The following WDR73 variants were observed in gnomAD, a reference collection of about 807,000 sequenced individuals.
The protein encoded by WDR73 is WD repeat domain 73, also known as integrator complex assembly factor WDR73.
A neutral mutation model predicts 38.2 loss-of-function variants in WDR73; 30 were observed. That is an observed-to-expected ratio of 0.79 (90% confidence interval 0.59 to 1.06). The LOEUF (loss-of-function observed/expected upper bound fraction) is 1.06, where lower values mean the gene tolerates loss of function less well. WDR73 is among the 50% of genes least tolerant of loss of function. The pLI is 0.00. For synonymous variants in WDR73, 197 were observed against 176.0 expected (o/e 1.12, Z -0.94); for missense variants, 487 against 467.0 (o/e 1.04, Z -0.40).
At chr15:84,645,371 A>C (rs746949829) in intron 7 of WDR73, 100 bp downstream of exon 7, 2 of 1,558,904 alleles carry the variant, frequency 1.3e-6, no homozygotes, top group South Asian at 2.4e-5. Flanking sequence ...TAACTCCTGG[A>C]GCCAGGTTTA....
At chr15:84,653,070 C>T (rs1265754873) in intron 2 of WDR73, 2 of 333,874 alleles carry the variant, frequency 6.0e-6, no homozygotes, top group Non-Finnish European at 1.1e-5. Flanking sequence ...AGGCGTGAGC[C>T]ACCATGCTCG....
rs1896275840 is a variant in WDR73 at position 84,642,094 on chromosome 15, C to T, written c.*1376G>A. The stretch of plus-strand genomic sequence containing the variant: ...CGGTGGCTCACACCTGTAATCCCAG[C>T]TCTTCGGGAGGCCGAGGTGGGTAGA... On this transcript the variant is annotated 3_prime_UTR_variant, in exon 8 of 8. Transcript: ENST00000434634. 1 of 152,160 alleles carries T rather than the reference C, an allele frequency of 6.6e-6. No homozygotes were observed. Among genetic ancestry groups the T allele is most frequent in the Admixed American group, 6.6e-5 (1 of 15,266 alleles). 9.4% of individuals were successfully genotyped at this position (152,160 alleles called of 1,614,324 possible). A position where few individuals can be genotyped will look rare whatever the true frequency, so the allele number is the denominator to read the frequency against.
chr15:84,647,706 A>C, intron 5 of WDR73, 184 bp downstream of exon 5: 2 of 629,012 alleles, frequency 3.2e-6, no homozygotes, highest in Non-Finnish European at 2.9e-6. Flanking sequence ...CATGTTGTAC[A>C]AGGTGGTCTT....
chr15:84,654,215 C>G lies in WDR73; in HGVS notation c.41+19G>C. On this transcript the variant is annotated intron_variant, in intron 1 of 7. Transcript: ENST00000434634. ...AAGCTCCAGGCCCAGCTCCCATGTC[C>G]CAGCCCCGTACGATTTACAAGCGCA... The G allele has an allele frequency of 6.2e-7, 1 of 1,603,818 alleles. No homozygotes were observed. The highest frequency in any genetic ancestry group is 8.5e-7 in the Non-Finnish European group (1 of 1,170,344).
chr15:84,652,901 T>G (rs1896668734), intron 2 of WDR73, 99 bp from the exon 3 acceptor site: 1 of 667,380 alleles, frequency 1.5e-6, no homozygotes, highest in Non-Finnish European at 2.5e-6. Context: ...TGTGCAGCCT[T>G]GTATGGAGGA....
At chr15:84,647,755 C>T (rs1356007930) in intron 5 of WDR73, 135 bp downstream of exon 5, 11 of 847,290 alleles carry the variant, frequency 1.3e-5, no homozygotes, top group Non-Finnish European at 1.8e-5. Flanking sequence ...GCTCAGCCTC[C>T]CAAAGTGCTA....
rs754069268 is a variant in WDR73, at chr15:84,639,589, A to AG, written c.*3880dup. 1 of 152,154 alleles carries AG rather than the reference A, an allele frequency of 6.6e-6. No individual in the cohort carries two copies. The highest frequency in any genetic ancestry group is 1.5e-5 in the Non-Finnish European group (1 of 68,048). 9.4% of individuals were successfully genotyped at this position (152,154 alleles called of 1,614,324 possible). On this transcript the variant is annotated 3_prime_UTR_variant, in exon 8 of 8. Transcript: ENST00000434634. ...CAGCATCTAGATCTTCAAATTCTGG[A>AG]GAAAAAGAGAGTGTGAAAGACTGCT...
chr15:84,648,414 C>T, intron 4 of WDR73, 123 bp downstream of exon 4: 1 of 711,802 alleles, frequency 1.4e-6, no homozygotes, highest in Non-Finnish European at 2.5e-6. Flanking sequence ...CACACTTGTG[C>T]ACTCACATGT....
chr15:84,648,029 CTT>C (rs1311033479), intron 4 of WDR73, 75 bp from the exon 5 acceptor site: 28 of 1,376,734 alleles, frequency 2.0e-5, no homozygotes, highest in African/African-American at 2.9e-5. Context: ...TTCCAGCACA[CTT>C]AGCTTGGGAC....
intron 7 of WDR73, chr15:84,645,188 C>G: frequency 8.6e-6 from 11 of 1,284,808 alleles, no homozygotes; most frequent in Non-Finnish European, 1.1e-5. Context: ...CTGACCCAGC[C>G]CGATGTCTGT....
rs368856062 is a variant in WDR73 at position 84,641,068 on chromosome 15, CATT to C, written c.*2399_*2401del. On this transcript the variant is annotated 3_prime_UTR_variant, in exon 8 of 8. Transcript: ENST00000434634. ...ACTAGACCTTCTTGAGAGGCACTAT[CATT>C]CTCATTTCACCTGTCACTTCCAGAC... 4 of 150,942 alleles carry C rather than the reference CATT, an allele frequency of 2.7e-5. 1 individual carries two copies. Among genetic ancestry groups the C allele is most frequent in the African/African-American group, 7.5e-5 (3 of 40,218 alleles). The allele number at this position is 150,942 out of a possible 1,614,324, so 9.4% of individuals were successfully genotyped here.
In WDR73 at chr15:84,652,779, T is replaced by A. The variant is rs1896663927; in HGVS notation, c.133A>T (p.Ser45Cys). The change falls in exon 3 of 8, where the codon AGC (serine) becomes TGC (cysteine). Residue 45 changes from serine (S) to cysteine (C), a missense_variant. Ser to Cys is a moderately radical substitution (Grantham distance 112). Coordinates refer to ENST00000434634, the MANE Select transcript of WDR73 (RefSeq NM_032856.5). Reference sequence around the variant, plus strand: ...TGAAGAATTTCATTCTTTTTCAGGCTTTCATAGCCAGCAACAAAGACTCCT... The same window carrying A: ...TGAAGAATTTCATTCTTTTTCAGGCATTCATAGCCAGCAACAAAGACTCCT... ...DKGVFVAGYE[S>C]LKKNEILHLK... 4 of 1,536,706 alleles carry A rather than the reference T, an allele frequency of 2.6e-6. No individual in the cohort carries two copies. Among genetic ancestry groups the A allele is most frequent in the African/African-American group, 1.4e-5 (1 of 72,450 alleles).
chr15:84,644,932 C>A, intron 7 of WDR73: 1 of 153,588 alleles, frequency 6.5e-6, no homozygotes, highest in Non-Finnish European at 1.4e-5. Flanking sequence ...AGGTGCTGTC[C>A]CTGCTGCTTT....
chr15:84,652,974 A>C, intron 2 of WDR73, 172 bp from the exon 3 acceptor site: 1 of 511,840 alleles, frequency 2.0e-6, no homozygotes, highest in Non-Finnish European at 3.5e-6. Context: ...GCTGGAGTGC[A>C]GTGGTCCGAT....
chr15:84,654,149 T>C (rs1896715393), intron 1 of WDR73, 85 bp downstream of exon 1: 3 of 1,574,558 alleles, frequency 1.9e-6, no homozygotes, highest in South Asian at 2.2e-5. Flanking sequence ...TGCACCAGGA[T>C]CCCCAACGTG....
intron 7 of WDR73, chr15:84,644,946 T>C (rs1896398391): frequency 6.7e-6 from 1 of 150,020 alleles, no homozygotes; most frequent in African/African-American, 2.5e-5. Context: ...CTGCTTTTTT[T>C]TTTTTTTTCT....
intron 6 of WDR73, 124 bp from the exon 7 acceptor site, chr15:84,645,960 C>T (rs1896442134): frequency 1.3e-6 from 2 of 1,551,870 alleles, no homozygotes; most frequent in Non-Finnish European, 1.7e-6. Flanking sequence ...ATCTCCCTTC[C>T]CACTCATCTC....
rs376147251 is a variant in WDR73, at chr15:84,648,036, T to G, written c.288-82A>C. 1.3e-4 allele frequency: 159 copies of G among 1,261,124 alleles called. No individual in the cohort carries two copies. The African/African-American group carries it at 2.1e-3, about 17-fold the overall frequency. The allele number at this position is 1,261,124 out of a possible 1,614,324, so 78.1% of individuals were successfully genotyped here. On this transcript the variant is annotated intron_variant, in intron 4 of 7. Coordinates refer to ENST00000434634, the MANE Select transcript of WDR73 (RefSeq NM_032856.5). ...CTTCCCCTTTCCAGCACACTTAGCT[T>G]GGGACTCCACTTCCCATATCAGGAC...
In WDR73 at chr15:84,643,698, A is replaced by G. The variant is rs758937566; in HGVS notation, c.909T>C (p.Tyr303=). 1 of 1,613,572 alleles carries G rather than the reference A, an allele frequency of 6.2e-7. No individual in the cohort carries two copies. Among genetic ancestry groups the G allele is most frequent in the South Asian group, 1.1e-5 (1 of 90,936 alleles). ...ISGFDGTVQV[Y]DATSWDGTRS... The stretch of plus-strand genomic sequence containing the variant: ...GTGTTCCATCCCAAGATGTGGCATC[A>G]TAGACCTGGACTGTACCATCAAAAC... Residue 303 remains tyrosine (Y), a synonymous_variant, in exon 8 of 8, where the codon TAT becomes TAC. Coordinates refer to ENST00000434634, the MANE Select transcript of WDR73 (RefSeq NM_032856.5).
Sources: allele counts gnomAD v4.1 joint callset, GRCh38; gene constraint gnomAD v4.1.1; transcripts MANE v1.5; gene names NCBI Gene and HGNC (gene_info 2026-07-23, HGNC 2026-07-21).